FSHR: variants seen among roughly 807,000 people sequenced by gnomAD.
FSHR encodes the protein follicle stimulating hormone receptor.
Under a neutral mutation model 52.1 loss-of-function variants are expected in FSHR, and 46 were observed. The observed-to-expected ratio is 0.88, with a 90% CI of 0.70 to 1.13. The LOEUF (loss-of-function observed/expected upper bound fraction) is 1.13. FSHR is among the 50% of genes most tolerant of loss of function. The pLI is 0.00. For synonymous variants in FSHR, 399 were observed against 309.6 expected (o/e 1.29, Z -3.03); for missense variants, 964 against 834.6 (o/e 1.16, Z -1.91).
chr2:48,985,102 C>T (rs1461005930), intron 6 of FSHR, among the ~76,000 whole-genome samples: 2 of 89,394 alleles, frequency 2.2e-5, no homozygotes, highest in South Asian at 7.1e-4. Context: ...TATTTGAAAA[C>T]CAGATGATGA....
intron 9 of FSHR, among the ~76,000 whole-genome samples, chr2:48,966,228 G>T (rs572495786): frequency 6.6e-6 from 1 of 152,280 alleles, no homozygotes; most frequent in East Asian, 1.9e-4. Context: ...AATGATGGTG[G>T]TTACTTATGG....
intron 1 of FSHR, among the ~76,000 whole-genome samples, chr2:49,114,615 G>T (rs1178383645): frequency 6.6e-6 from 1 of 152,178 alleles, no homozygotes; most frequent in Non-Finnish European, 1.5e-5. Context: ...AACCCTCGTA[G>T]CATTACTGTG....
intron 1 of FSHR, among the ~76,000 whole-genome samples, chr2:49,127,879 TCTTCTTCTTCTTC>T (rs1672112897): frequency 6.1e-5 from 3 of 49,098 alleles, no homozygotes; most frequent in African/African-American, 3.1e-4. Context: ...TTCTTCTTCT[TCTTCTTCTTCTTC>T]TTCTTCTTTT....
intron 1 of FSHR, among the ~76,000 whole-genome samples, chr2:49,094,892 A>T (rs1670763389): frequency 6.6e-6 from 1 of 152,130 alleles, no homozygotes; most frequent in Admixed American, 6.6e-5. Flanking sequence ...ACACTTTGAT[A>T]AAACTAGCTA....
chr2:49,093,595 C>CT (rs375094387), intron 1 of FSHR, among the ~76,000 whole-genome samples: 25,483 of 132,794 alleles, frequency 0.19, 2,907 homozygotes, highest in South Asian at 0.24. Context: ...TTATATTTAT[C>CT]TTTTTTTTTT....
chr2:49,112,935 G>A (rs1007855245), intron 1 of FSHR, among the ~76,000 whole-genome samples: 3 of 152,116 alleles, frequency 2.0e-5, no homozygotes, highest in Non-Finnish European at 2.9e-5. Flanking sequence ...TGCCCAGGTG[G>A]GAGGAAGCAA....
At chr2:49,076,705 T>C (rs72879810) in intron 1 of FSHR, among the ~76,000 whole-genome samples, 3,521 of 152,234 alleles carry the variant, frequency 0.023, 119 homozygotes, top group African/African-American at 0.081. Flanking sequence ...GCCTGTAGAA[T>C]CAAAAGCATG....
intron 4 of FSHR, among the ~76,000 whole-genome samples, chr2:48,997,601 G>C (rs1199566080): frequency 6.6e-6 from 1 of 151,976 alleles, no homozygotes; most frequent in Admixed American, 6.6e-5. Context: ...GGAGTCTCCA[G>C]GGCTCAGATC....
chr2:49,013,497 T>TAAATATATATATATAA lies in FSHR; in HGVS notation c.374+3991_374+3992insTTATATATATATATTT, dbSNP rs1270296746. On this transcript the variant is annotated intron_variant, in intron 4 of 9. Transcript: ENST00000406846. The stretch of plus-strand genomic sequence containing the variant: ...ATATATATAAATAAATATATATATA[T>TAAATATATATATATAA]ATAAATATATATATATATAAATATA... Among the ~76,000 whole-genome samples the TAAATATATATATATAA allele has an allele frequency of 3.9e-4, 26 of 66,578 alleles. 1 individual carries two copies. The highest frequency in any genetic ancestry group is 9.1e-4 in the African/African-American group (25 of 27,456). The allele number at this position is 66,578 out of a possible 152,430, so 43.7% of individuals were successfully genotyped here.
At position 49,132,968 on chromosome 2, in the gene FSHR, TAAAAAAA is replaced by T. The variant is rs34913428; in HGVS notation, c.152+21291_152+21297del. 7.8e-4 allele frequency among the ~76,000 whole-genome samples: 38 copies of T among 48,648 alleles called. 1 individual carries two copies. Among genetic ancestry groups the T allele is most frequent in the Admixed American group, 3.3e-3 (13 of 3,988 alleles). The allele number at this position is 48,648 out of a possible 152,430, so 31.9% of individuals were successfully genotyped here. A position where few individuals can be genotyped will look rare whatever the true frequency, so the allele number is the denominator to read the frequency against. On this transcript the variant is annotated intron_variant, in intron 1 of 9. Transcript: ENST00000406846. ...TTCAAGAACATTTATTAAAACTCAG[TAAAAAAA>T]AAAAAAAAAAAAAAAAAAAAGGCAA...
intron 8 of FSHR, among the ~76,000 whole-genome samples, chr2:48,982,605 G>A (rs544100807): frequency 3.9e-5 from 6 of 152,258 alleles, no homozygotes; most frequent in Non-Finnish European, 5.9e-5. Context: ...TGTAAAACGG[G>A]AATAATAGCT....
intron 1 of FSHR, among the ~76,000 whole-genome samples, chr2:49,107,197 C>T (rs1424595139): frequency 6.6e-6 from 1 of 152,130 alleles, no homozygotes; most frequent in Non-Finnish European, 1.5e-5. Flanking sequence ...TTCTTGATTG[C>T]ACTATTTTAT....
chr2:49,138,234 G>T (rs1352578409), intron 1 of FSHR, among the ~76,000 whole-genome samples: 1 of 152,034 alleles, frequency 6.6e-6, no homozygotes, highest in East Asian at 1.9e-4. Context: ...ACAATGATGT[G>T]AAAAAATAGT....
intron 1 of FSHR, 93 bp from the exon 2 acceptor site, chr2:49,068,383 A>G (rs766444755): frequency 9.6e-7 from 1 of 1,044,146 alleles, no homozygotes; most frequent in Non-Finnish European, 1.5e-6. Context: ...GTTACCATAT[A>G]CTAAGTGCTT....
intron 8 of FSHR, among the ~76,000 whole-genome samples, chr2:48,972,750 A>G (rs1674800894): frequency 6.6e-6 from 1 of 152,174 alleles, no homozygotes; most frequent in Non-Finnish European, 1.5e-5. Flanking sequence ...GTCCTTTAGG[A>G]ACAATTTAGA....
chr2:49,062,551 GAAA>G (rs945873838), intron 2 of FSHR, among the ~76,000 whole-genome samples: 9 of 151,834 alleles, frequency 5.9e-5, no homozygotes, highest in Non-Finnish European at 2.9e-5. Flanking sequence ...GAAATAAAAG[GAAA>G]AACAGACAAA....
At chr2:48,999,225 C>T (rs1429149062) in intron 4 of FSHR, among the ~76,000 whole-genome samples, 1 of 151,826 alleles carries the variant, frequency 6.6e-6, no homozygotes, top group African/African-American at 2.4e-5. Context: ...TCCTATGTAC[C>T]AGGTACCGCA....
rs555904948 is a variant in FSHR, at chr2:49,020,099, T to C, written c.286A>G (p.Lys96Glu). 1.2e-6 allele frequency: 2 copies of C among 1,613,498 alleles called. No homozygotes were observed. Among genetic ancestry groups the C allele is most frequent in the East Asian group, 2.2e-5 (1 of 44,880 alleles). ...IEADVFSNLP[K>E]LHEIRIEKAN... ...CTTCTTGCTTACATTTCATGTAATT[T>C]GGGAAGGTTGGAGAACACATCTGCC... The change falls in exon 3 of 10, where the codon AAA (lysine) becomes GAA (glutamate). Residue 96 changes from lysine (K) to glutamate (E), a missense_variant. Physicochemically the swap from Lys to Glu is moderately conservative, Grantham distance 56. Coordinates refer to ENST00000406846, the MANE Select transcript of FSHR (RefSeq NM_000145.4).
chr2:49,124,171 T>G (rs933045501), intron 1 of FSHR, among the ~76,000 whole-genome samples: 1 of 151,332 alleles, frequency 6.6e-6, no homozygotes, highest in African/African-American at 2.4e-5. Context: ...TTTTTTTTTT[T>G]TTTTAAGTAG....
Sources: allele counts gnomAD v4.1 joint callset (sites outside exome capture counted in the v4.1 genomes callset), GRCh38; gene constraint gnomAD v4.1.1; transcripts MANE v1.5; gene names NCBI Gene and HGNC (gene_info 2026-07-23, HGNC 2026-07-21).